The following PRLR variants were observed in gnomAD, a reference collection of about 807,000 sequenced individuals.
PRLR encodes prolactin receptor.
Under a neutral mutation model 40.2 loss-of-function variants are expected in PRLR, and 13 were observed. The ratio of observed to expected loss-of-function variants is 0.32; its 90% CI spans 0.21 to 0.51. The LOEUF (loss-of-function observed/expected upper bound fraction) is 0.51, where lower values mean the gene tolerates loss of function less well. Ranked by LOEUF, PRLR falls within the 20% of genes least tolerant of loss-of-function variation. PRLR has a pLI of 0.97. For missense variants in PRLR, 656 were observed against 747.3 expected (o/e 0.88, Z 1.42); for synonymous variants, 269 against 278.7 (o/e 0.97, Z 0.35).
chr5:35,094,824 C>CTTTTT (rs143791323), intron 2 of PRLR, among the ~76,000 whole-genome samples: 12 of 113,984 alleles, frequency 1.1e-4, no homozygotes, highest in South Asian at 2.9e-4. Flanking sequence ...AGGAGTTGGG[C>CTTTTT]TTTTTTTTTT....
rs185955870 is a variant in PRLR at position 35,125,670 on chromosome 5, G to A, written c.-105-7548C>T. Among the ~76,000 whole-genome samples, 262 of 152,296 alleles carry A rather than the reference G, an allele frequency of 1.7e-3. 1 individual carries two copies. The highest frequency in any genetic ancestry group is 0.012 in the South Asian group (57 of 4,824). On this transcript the variant is annotated intron_variant, in intron 1 of 9. Coordinates refer to ENST00000618457, the MANE Select transcript of PRLR (RefSeq NM_000949.7). ...AGAACACACTCTTTTAATTAAAGTG[G>A]AAAATTGCTATGTTCATGTTAATTT...
Position 35,083,311 on chromosome 5 carries a change from C to T in PRLR, c.373+1159G>A, listed in dbSNP as rs962513103. Among the ~76,000 whole-genome samples, 4 of 151,982 alleles carry T rather than the reference C, an allele frequency of 2.6e-5. 1 individual carries two copies. Among genetic ancestry groups the T allele is most frequent in the South Asian group, 2.1e-4 (1 of 4,818 alleles). On this transcript the variant is annotated intron_variant, in intron 5 of 9. Transcript: ENST00000618457. The stretch of plus-strand genomic sequence containing the variant: ...CTAAAAAGCAGGTCAGGTCCATGAC[C>T]GACACATCTGTGGTGGGGACATGGA...
At chr5:35,168,400 T>G (rs1315259407) in intron 1 of PRLR, among the ~76,000 whole-genome samples, 1 of 152,118 alleles carries the variant, frequency 6.6e-6, no homozygotes, top group African/African-American at 2.4e-5. Context: ...AACTGTAGAA[T>G]GTATGTTCCT....
At chr5:35,146,077 A>T (rs781496672) in intron 1 of PRLR, among the ~76,000 whole-genome samples, 1 of 152,212 alleles carries the variant, frequency 6.6e-6, no homozygotes, top group Non-Finnish European at 1.5e-5. Flanking sequence ...ATGACCCTCA[A>T]ATCTACGATG....
chr5:35,100,297 A>G (rs1436333316), intron 2 of PRLR, among the ~76,000 whole-genome samples: 1 of 152,112 alleles, frequency 6.6e-6, no homozygotes, highest in Non-Finnish European at 1.5e-5. Flanking sequence ...AATTTGGTGT[A>G]GCTTAAGTGT....
chr5:35,094,090 C>T (rs988031396), intron 2 of PRLR, among the ~76,000 whole-genome samples: 1 of 152,176 alleles, frequency 6.6e-6, no homozygotes, highest in African/African-American at 2.4e-5. Flanking sequence ...TGAAGTATCA[C>T]AAAAAGAATA....
At chr5:35,093,779 G>A (rs1300125396) in intron 2 of PRLR, among the ~76,000 whole-genome samples, 1 of 152,162 alleles carries the variant, frequency 6.6e-6, no homozygotes, top group Non-Finnish European at 1.5e-5. Flanking sequence ...TATGATGGTG[G>A]TCCCATAAGA....
chr5:35,070,006 C>T, intron 7 of PRLR, 118 bp downstream of exon 7: 1 of 1,177,276 alleles, frequency 8.5e-7, no homozygotes. Flanking sequence ...GATTATAAAC[C>T]CACCTCTATT....
chr5:35,098,141 T>A (rs909272437), intron 2 of PRLR, among the ~76,000 whole-genome samples: 3 of 152,206 alleles, frequency 2.0e-5, no homozygotes, highest in African/African-American at 7.2e-5. Context: ...CACTTTGGAC[T>A]TGGCCATGTG....
chr5:35,131,279 G>A (rs1294046082), intron 1 of PRLR, among the ~76,000 whole-genome samples: 1 of 152,154 alleles, frequency 6.6e-6, no homozygotes, highest in African/African-American at 2.4e-5. Context: ...TTTTATTCTA[G>A]TGTAGCAGTG....
chr5:35,091,133 G>A (rs1027544627), intron 2 of PRLR, among the ~76,000 whole-genome samples: 1 of 152,040 alleles, frequency 6.6e-6, no homozygotes, highest in Admixed American at 6.5e-5. Flanking sequence ...TCATAATGAG[G>A]CTCCAGCTTC....
At chr5:35,203,837 T>C (rs1435227203) in intron 1 of PRLR, among the ~76,000 whole-genome samples, 1 of 90,570 alleles carries the variant, frequency 1.1e-5, no homozygotes, top group Non-Finnish European at 3.0e-5. Flanking sequence ...AGCATTGCTA[T>C]ACTAAATATT....
intron 2 of PRLR, among the ~76,000 whole-genome samples, chr5:35,099,490 TTACTA>T (rs1430854402): frequency 1.3e-5 from 2 of 152,220 alleles, no homozygotes; most frequent in Non-Finnish European, 2.9e-5. Context: ...GTTTGTGTAT[TTACTA>T]TACTATACTT....
chr5:35,150,712 G>A lies in PRLR; in HGVS notation c.-105-32590C>T, dbSNP rs187192610. Among the ~76,000 whole-genome samples, 783 of 152,176 alleles carry A rather than the reference G, an allele frequency of 5.1e-3. 6 individuals carry two copies. The highest frequency in any genetic ancestry group is 0.018 in the African/African-American group (732 of 41,500). On this transcript the variant is annotated intron_variant, in intron 1 of 9. Transcript: ENST00000618457. ...TATGATAAATATTTGACTGACAGTAGTGCATGAAAACCATAAAATGGGACC... is the reference window on the plus strand; with the variant it reads ...TATGATAAATATTTGACTGACAGTAATGCATGAAAACCATAAAATGGGACC...
chr5:35,068,986 TA>T (rs2112387972), intron 7 of PRLR, 108 bp from the exon 8 acceptor site: 1 of 770,548 alleles, frequency 1.3e-6, no homozygotes, highest in African/African-American at 1.7e-5. Context: ...TCCATTCATA[TA>T]TTTTTTTGAT....
chr5:35,123,431 A>G (rs900954825), intron 1 of PRLR, among the ~76,000 whole-genome samples: 1 of 152,238 alleles, frequency 6.6e-6, no homozygotes, highest in Non-Finnish European at 1.5e-5. Context: ...AACTTGTATA[A>G]TGTCATCATT....
intron 2 of PRLR, among the ~76,000 whole-genome samples, chr5:35,093,141 T>C (rs1380421442): frequency 6.6e-6 from 1 of 152,146 alleles, no homozygotes; most frequent in African/African-American, 2.4e-5. Flanking sequence ...TCCAGCAGCT[T>C]GTGCTTTTGA....
intron 2 of PRLR, among the ~76,000 whole-genome samples, chr5:35,112,351 T>A (rs1772712560): frequency 6.6e-6 from 1 of 152,178 alleles, no homozygotes; most frequent in Non-Finnish European, 1.5e-5. Context: ...GGCTGGGTCA[T>A]CTTATTAAAA....
At chr5:35,067,231 G>C (rs1228547681) in intron 9 of PRLR, among the ~76,000 whole-genome samples, 2 of 152,070 alleles carry the variant, frequency 1.3e-5, no homozygotes, top group Non-Finnish European at 2.9e-5. Context: ...GTTCTTTTGA[G>C]GATTAGAGGT....
Sources: gnomAD v4.1 joint callset for allele counts (sites outside exome capture counted in the v4.1 genomes callset) on GRCh38, gnomAD v4.1.1 for gene constraint, MANE v1.5 for transcripts, NCBI Gene and HGNC (gene_info 2026-07-23, HGNC 2026-07-21) for gene names.